Variants in KSR2 observed in about 807,000 individuals in gnomAD.
KSR2 encodes kinase suppressor of ras 2.
In KSR2, 25 loss-of-function variants were observed where a neutral mutation model predicts 107.8. The observed-to-expected ratio is 0.23, with a 90% CI of 0.17 to 0.32. KSR2 has a LOEUF of 0.32. Ranked by LOEUF, KSR2 falls within the 10% of genes least tolerant of loss-of-function variation. The pLI is 1.00. For synonymous variants in KSR2, 480 were observed against 507.0 expected, an observed-to-expected ratio of 0.95 and a Z score of 0.71; for missense variants, 887 against 1,268.9, an observed-to-expected ratio of 0.70 and a Z score of 4.57.
At chr12:117,739,161 C>G (rs920685813) in intron 4 of KSR2, among the ~76,000 whole-genome samples, 6 of 152,128 alleles carry the variant, frequency 3.9e-5, no homozygotes, top group African/African-American at 7.2e-5. Flanking sequence ...TGAGACTATC[C>G]TGGCTGACAC....
chr12:117,852,010 G>A (rs1325231266), intron 3 of KSR2, among the ~76,000 whole-genome samples: 4 of 152,124 alleles, frequency 2.6e-5, no homozygotes, highest in African/African-American at 9.7e-5. Context: ...CATGAAACAT[G>A]CTATAATTGT....
At chr12:117,809,767 C>T (rs907302155) in intron 3 of KSR2, among the ~76,000 whole-genome samples, 1 of 152,146 alleles carries the variant, frequency 6.6e-6, no homozygotes, top group Non-Finnish European at 1.5e-5. Context: ...CCCAGCCCAG[C>T]ATCCAGCTCC....
intron 4 of KSR2, among the ~76,000 whole-genome samples, chr12:117,714,721 C>T (rs1593160486): frequency 1.3e-5 from 2 of 152,122 alleles, no homozygotes; most frequent in East Asian, 3.9e-4. Flanking sequence ...CAAATTTGTC[C>T]TCTAGGGGAC....
intron 1 of KSR2, among the ~76,000 whole-genome samples, chr12:117,914,895 C>T (rs532136651): frequency 3.9e-4 from 60 of 152,246 alleles, no homozygotes; most frequent in African/African-American, 1.2e-3. Context: ...ACGGTGTGAG[C>T]TGAGGGATCT....
intron 4 of KSR2, among the ~76,000 whole-genome samples, chr12:117,728,902 T>G (rs1040010405): frequency 2.0e-5 from 3 of 152,236 alleles, no homozygotes; most frequent in Admixed American, 6.5e-5. Flanking sequence ...TGCTGAGACT[T>G]GCTTCTTACC....
chr12:117,533,835 G>A (rs1042957016), intron 10 of KSR2, among the ~76,000 whole-genome samples: 7 of 152,166 alleles, frequency 4.6e-5, no homozygotes, highest in African/African-American at 1.7e-4. Flanking sequence ...CAGGACACCA[G>A]CAAATGCCTC....
At chr12:117,819,186 C>T (rs774607749) in intron 3 of KSR2, among the ~76,000 whole-genome samples, 1 of 152,086 alleles carries the variant, frequency 6.6e-6, no homozygotes, top group African/African-American at 2.4e-5. Flanking sequence ...CCAGTTTGAG[C>T]TCATTCAAGG....
chr12:117,673,658 C>T (rs1427931772), intron 4 of KSR2, among the ~76,000 whole-genome samples: 1 of 152,048 alleles, frequency 6.6e-6, no homozygotes, highest in African/African-American at 2.4e-5. Flanking sequence ...CCTTTCCATC[C>T]ACCCTCATTA....
Position 117,856,958 on chromosome 12 carries a change from GAGA to G in KSR2, c.322-1383_322-1381del, listed in dbSNP as rs758458663. ...CACCCAGGCAGGCAGGGGGCAGAGA[GAGA>G]AGAATAGTGGAGTCACTTAGAGGCT... On this transcript the variant is annotated intron_variant, in intron 2 of 19. Transcript: ENST00000339824. 2.4e-4 allele frequency among the ~76,000 whole-genome samples: 36 copies of G among 152,320 alleles called. No homozygotes were observed. In the East Asian group the frequency reaches 6.2e-3, roughly 26 times the overall value.
chr12:117,643,835 C>T (rs2056536139), intron 5 of KSR2, among the ~76,000 whole-genome samples: 1 of 152,206 alleles, frequency 6.6e-6, no homozygotes, highest in Non-Finnish European at 1.5e-5. Flanking sequence ...AGAGCCTCCT[C>T]TCACTCTAAA....
chr12:117,636,086 C>T (rs1284378346), intron 5 of KSR2, among the ~76,000 whole-genome samples: 1 of 152,146 alleles, frequency 6.6e-6, no homozygotes, highest in East Asian at 1.9e-4. Context: ...GCCAGGGCAC[C>T]TGGCCAGTAT....
chr12:117,696,822 G>A (rs1192524024), intron 4 of KSR2, among the ~76,000 whole-genome samples: 2 of 152,134 alleles, frequency 1.3e-5, no homozygotes, highest in Non-Finnish European at 2.9e-5. Context: ...AAGTCACCTT[G>A]GAGAGCCTCA....
intron 4 of KSR2, among the ~76,000 whole-genome samples, chr12:117,684,985 CT>C (rs1170733513): frequency 6.6e-6 from 1 of 152,168 alleles, no homozygotes; most frequent in Non-Finnish European, 1.5e-5. Flanking sequence ...GAGAATCAAT[CT>C]TAGACTCGCA....
chr12:117,567,103 A>G (rs1878545663), intron 7 of KSR2, among the ~76,000 whole-genome samples: 1 of 152,364 alleles, frequency 6.6e-6, no homozygotes, highest in East Asian at 1.9e-4. Context: ...AAAGAGTTTA[A>G]AGTCTGGTCA....
At chr12:117,720,941 G>A (rs889569630) in intron 4 of KSR2, among the ~76,000 whole-genome samples, 5 of 152,188 alleles carry the variant, frequency 3.3e-5, no homozygotes, top group Non-Finnish European at 5.9e-5. Flanking sequence ...GAGGAGAGTT[G>A]TGTATATAAC....
Position 117,501,737 on chromosome 12 carries a change from C to T in KSR2, c.2220-16046G>A, listed in dbSNP as rs528210828. ...GGAGCTTATCTGCAAGCCTGTGTTACGCAAGGTGGAGACAGACTGAACTAC... is the reference window on the plus strand; with the variant it reads ...GGAGCTTATCTGCAAGCCTGTGTTATGCAAGGTGGAGACAGACTGAACTAC... On this transcript the variant is annotated intron_variant, in intron 14 of 19. Coordinates refer to ENST00000339824, the MANE Select transcript of KSR2 (RefSeq NM_173598.6). Among the ~76,000 whole-genome samples the T allele has an allele frequency of 2.7e-3, 412 of 152,318 alleles. 2 individuals are homozygous for T. Among genetic ancestry groups the T allele is most frequent in the Non-Finnish European group, 4.3e-3 (294 of 68,022 alleles).
Position 117,749,120 on chromosome 12 carries a change from CA to C in KSR2, c.986+11890del, listed in dbSNP as rs34973454. 9.3e-3 allele frequency among the ~76,000 whole-genome samples: 981 copies of C among 105,952 alleles called. 72 individuals carry two copies. The highest frequency in any genetic ancestry group is 0.012 in the Non-Finnish European group (660 of 55,606). The allele number at this position is 105,952 out of a possible 152,430, so 69.5% of individuals were successfully genotyped here. A position where few individuals can be genotyped will look rare whatever the true frequency, so the allele number is the denominator to read the frequency against. On this transcript the variant is annotated intron_variant, in intron 4 of 19. Coordinates refer to ENST00000339824, the MANE Select transcript of KSR2 (RefSeq NM_173598.6). The stretch of plus-strand genomic sequence containing the variant: ...ACTCAGATTGAACATGCTCCACTGG[CA>C]AAAAAAAAAAAAAAAGCAAACGAAC...
At chr12:117,885,064 G>A (rs1275263178) in intron 1 of KSR2, among the ~76,000 whole-genome samples, 1 of 152,088 alleles carries the variant, frequency 6.6e-6, no homozygotes, top group East Asian at 1.9e-4. Context: ...TCACCCACCG[G>A]GGCCTCAGTT....
intron 5 of KSR2, among the ~76,000 whole-genome samples, chr12:117,645,602 G>T (rs1392100357): frequency 1.1e-4 from 16 of 152,062 alleles, no homozygotes. Context: ...TTGTTCCTTG[G>T]GCAAACCTCA....
Sources: allele counts gnomAD v4.1 joint callset (sites outside exome capture counted in the v4.1 genomes callset), GRCh38; gene constraint gnomAD v4.1.1; transcripts MANE v1.5; gene names NCBI Gene and HGNC (gene_info 2026-07-23, HGNC 2026-07-21).